Variants in TMEM117 observed in about 807,000 individuals in gnomAD.
TMEM117 encodes transmembrane protein 117.
Under a neutral mutation model 52.4 loss-of-function variants are expected in TMEM117, and 27 were observed. That is an observed-to-expected ratio of 0.51 (90% CI 0.38 to 0.71). The LOEUF (loss-of-function observed/expected upper bound fraction) is 0.71. Ranked by LOEUF, TMEM117 falls within the 30% of genes least tolerant of loss-of-function variation. TMEM117 has a pLI of 0.00. For missense variants in TMEM117, 556 were observed against 630.5 expected (o/e 0.88, Z 1.26); for synonymous variants, 215 against 206.3 (o/e 1.04, Z -0.36).
At chr12:44,102,677 T>A (rs1198716614) in intron 3 of TMEM117, among the ~76,000 whole-genome samples, 1 of 150,994 alleles carries the variant, frequency 6.6e-6, no homozygotes, top group Admixed American at 6.6e-5. Context: ...ATTCTACCTA[T>A]TTTTTTGGTC....
intron 1 of TMEM117, among the ~76,000 whole-genome samples, chr12:43,843,818 C>T (rs977469163): frequency 3.9e-5 from 6 of 152,224 alleles, no homozygotes. Context: ...ATAGAACTTA[C>T]TCTCTATTGA....
chr12:43,836,649 A>G lies in TMEM117; in HGVS notation c.-29+453A>G, dbSNP rs570838246. On this transcript the variant is annotated intron_variant, in intron 1 of 7. Transcript: ENST00000266534. ...GCAGTTCGTAGGTGTTGTTCTTGGG[A>G]AAAAAACAAAGACTTGGGTGTTTGG... is the stretch of plus-strand genomic sequence containing the variant. Among the ~76,000 whole-genome samples, 300 of 152,268 alleles carry G rather than the reference A, an allele frequency of 2.0e-3. 3 individuals are homozygous for G. Among genetic ancestry groups the G allele is most frequent in the African/African-American group, 6.8e-3 (283 of 41,534 alleles).
intron 2 of TMEM117, among the ~76,000 whole-genome samples, chr12:43,924,113 C>G (rs1272119869): frequency 1.3e-5 from 2 of 152,120 alleles, no homozygotes; most frequent in Admixed American, 6.5e-5. Context: ...CACTGTGAAT[C>G]TTAATGGGTT....
chr12:44,251,998 C>T (rs1255197517), intron 5 of TMEM117, among the ~76,000 whole-genome samples: 2 of 152,122 alleles, frequency 1.3e-5, no homozygotes, highest in African/African-American at 4.8e-5. Context: ...TACTTCTTAG[C>T]GTAATGTTCA....
chr12:43,813,231 G>GTTTTTTTTT, the TMEM117 span, among the ~76,000 whole-genome samples: 16 of 62,668 alleles, frequency 2.6e-4, 2 homozygotes, highest in Admixed American at 3.8e-4. Flanking sequence ...GTTTTCTCTT[G>GTTTTTTTTT]TTTTTTTTTT....
chr12:44,000,826 G>A (rs1398982191), intron 3 of TMEM117, among the ~76,000 whole-genome samples: 1 of 152,134 alleles, frequency 6.6e-6, no homozygotes, highest in African/African-American at 2.4e-5. Context: ...AGTTGCAGAG[G>A]GCCAACAGGT....
intron 3 of TMEM117, among the ~76,000 whole-genome samples, chr12:44,033,040 C>T (rs1416464070): frequency 6.6e-6 from 1 of 152,084 alleles, no homozygotes; most frequent in Non-Finnish European, 1.5e-5. Flanking sequence ...AGAAGGTTGG[C>T]ACAAAATACA....
chr12:44,175,555 A>G (rs541898044), intron 4 of TMEM117, among the ~76,000 whole-genome samples: 1 of 152,310 alleles, frequency 6.6e-6, no homozygotes, highest in African/African-American at 2.4e-5. Context: ...GGATATACAT[A>G]TTCAAACGTC....
chr12:43,993,362 A>G (rs980219435), intron 3 of TMEM117, among the ~76,000 whole-genome samples: 4 of 152,190 alleles, frequency 2.6e-5, no homozygotes, highest in African/African-American at 9.7e-5. Flanking sequence ...ATGCTCAACA[A>G]CGGGTGTTTG....
At chr12:44,116,865 G>T (rs1401781929) in intron 3 of TMEM117, among the ~76,000 whole-genome samples, 1 of 152,112 alleles carries the variant, frequency 6.6e-6, no homozygotes, top group African/African-American at 2.4e-5. Context: ...TAGTTCCTTA[G>T]TTAGGCTCTT....
Position 44,019,623 on chromosome 12 carries a change from A to T in TMEM117, c.410+75281A>T, listed in dbSNP as rs180867869. 1.3e-3 allele frequency among the ~76,000 whole-genome samples: 198 copies of T among 152,282 alleles called. 1 individual carries two copies. The highest frequency in any genetic ancestry group is 4.2e-3 in the African/African-American group (175 of 41,558). On this transcript the variant is annotated intron_variant, in intron 3 of 7. Coordinates refer to ENST00000266534, the MANE Select transcript of TMEM117 (RefSeq NM_032256.3). The stretch of plus-strand genomic sequence containing the variant: ...ATTATTTCAAGTTTTATGTAATGTT[A>T]TTTCATAAATGTAATTTCTGATTAA...
At chr12:44,285,387 C>T (rs1347798728) in intron 5 of TMEM117, among the ~76,000 whole-genome samples, 1 of 152,158 alleles carries the variant, frequency 6.6e-6, no homozygotes, top group African/African-American at 2.4e-5. Flanking sequence ...GAGCCACAAA[C>T]AAGATAAGTT....
chr12:44,378,121 G>A (rs866655091), intron 7 of TMEM117, among the ~76,000 whole-genome samples: 13 of 152,166 alleles, frequency 8.5e-5, no homozygotes, highest in East Asian at 3.9e-4. Flanking sequence ...GGGCTTTTGC[G>A]TAGACCATCT....
At chr12:44,197,665 T>C (rs1191122769) in intron 4 of TMEM117, among the ~76,000 whole-genome samples, 1 of 152,206 alleles carries the variant, frequency 6.6e-6, no homozygotes, top group Non-Finnish European at 1.5e-5. Context: ...AACACACTTT[T>C]TGAAACTCTG....
chr12:44,038,501 G>A (rs2137889074), intron 3 of TMEM117, among the ~76,000 whole-genome samples: 1 of 152,274 alleles, frequency 6.6e-6, no homozygotes, highest in East Asian at 1.9e-4. Flanking sequence ...ATACTCAATT[G>A]CTCACACACC....
chr12:44,092,297 G>A (rs1343258874), intron 3 of TMEM117, among the ~76,000 whole-genome samples: 1 of 152,164 alleles, frequency 6.6e-6, no homozygotes, highest in Non-Finnish European at 1.5e-5. Context: ...TAGAATTTCT[G>A]AAAGCATATT....
intron 4 of TMEM117, among the ~76,000 whole-genome samples, chr12:44,151,981 A>G (rs28609721): frequency 8.6e-6 from 1 of 116,942 alleles, no homozygotes; most frequent in Non-Finnish European, 1.6e-5. Context: ...GTATATATTT[A>G]TATATAAACA....
chr12:43,811,952 A>G, the TMEM117 span, among the ~76,000 whole-genome samples: 1 of 152,242 alleles, frequency 6.6e-6, no homozygotes, highest in Non-Finnish European at 1.5e-5. Flanking sequence ...TAAAACTTTA[A>G]TGAGATTCAC....
At chr12:43,994,197 GT>G (rs1945991590) in intron 3 of TMEM117, among the ~76,000 whole-genome samples, 1 of 152,102 alleles carries the variant, frequency 6.6e-6, no homozygotes, top group South Asian at 2.1e-4. Flanking sequence ...AGGGACCATC[GT>G]ATTAAAAGTT....
Sources: allele counts gnomAD v4.1 joint callset (sites outside exome capture counted in the v4.1 genomes callset), GRCh38; gene constraint gnomAD v4.1.1; transcripts MANE v1.5; gene names NCBI Gene and HGNC (gene_info 2026-07-23, HGNC 2026-07-21).